The following NLRC3 variants were observed in gnomAD, a reference collection of about 807,000 sequenced individuals.
NLRC3 encodes the protein NLR family CARD domain containing 3, also known as NLR family CARD domain-containing protein 3.
Under a neutral mutation model 91.6 loss-of-function variants are expected in NLRC3, and 87 were observed. The ratio of observed to expected loss-of-function variants is 0.95; its 90% CI spans 0.80 to 1.14. The LOEUF (loss-of-function observed/expected upper bound fraction) is 1.14, where lower values mean the gene tolerates loss of function less well. NLRC3 is among the 50% of genes most tolerant of loss of function. The pLI is 0.00. For missense variants in NLRC3, 1,577 were observed against 1,418.6 expected, an observed-to-expected ratio of 1.11 and a Z score of -1.79; for synonymous variants, 694 against 625.3, an observed-to-expected ratio of 1.11 and a Z score of -1.64.
intron 6 of NLRC3, among the ~76,000 whole-genome samples, chr16:3,559,338 T>G (rs2039497487): frequency 6.6e-6 from 1 of 152,192 alleles, no homozygotes; most frequent in Non-Finnish European, 1.5e-5. Context: ...GAAGAGATTT[T>G]TGGCTTCATT....
intron 17 of NLRC3, chr16:3,543,154 G>T (rs1040072870): frequency 2.0e-6 from 1 of 501,410 alleles, no homozygotes; most frequent in African/African-American, 1.9e-5. Flanking sequence ...CTTTGGATCT[G>T]CCCAGAGAAC....
intron 2 of NLRC3, among the ~76,000 whole-genome samples, chr16:3,566,101 CAAAAAAAAAAA>C (rs1027448717): frequency 5.6e-4 from 12 of 21,316 alleles, no homozygotes; most frequent in Admixed American, 2.4e-3. Flanking sequence ...GAGCAAAAAG[CAAAAAAAAAAA>C]AAAAAAAAAA....
chr16:3,564,496 G>T lies in NLRC3; in HGVS notation c.441C>A (p.Ala147=), dbSNP rs566895156. The change falls in exon 5 of 20, where the codon GCC becomes GCA. Residue 147 remains alanine, a synonymous_variant. Coordinates refer to ENST00000359128, the MANE Select transcript of NLRC3 (RefSeq NM_178844.4). The surrounding 1 kb of genome is among the most constrained non-coding windows in gnomAD (Gnocchi z 5.9). ...TCACCAGGGTGGTCTTGCCCATGCC[G>T]GCCACCCCGATAGTGATGGAGACCC... ...PPRVSITIGV[A]GMGKTTLVRH... 1.9e-6 allele frequency: 3 copies of T among 1,612,452 alleles called. No homozygotes were observed. The highest frequency in any genetic ancestry group is 4.5e-5 in the East Asian group (2 of 44,870).
chr16:3,543,704 A>C, intron 16 of NLRC3, 196 bp from the exon 17 acceptor site: 1 of 583,394 alleles, frequency 1.7e-6, no homozygotes, highest in East Asian at 2.9e-5. Context: ...CTGGATGCTA[A>C]GGAGATGAGA....
intron 2 of NLRC3, among the ~76,000 whole-genome samples, chr16:3,566,796 C>T (rs1032006574): frequency 6.6e-6 from 1 of 151,800 alleles, no homozygotes; most frequent in African/African-American, 2.4e-5. Context: ...GAGGCTGAGG[C>T]AGGACAATCA....
Position 3,561,879 on chromosome 16 carries a change from A to G in NLRC3, c.1929-91T>C, listed in dbSNP as rs2039631384. 5 of 843,342 alleles carry G rather than the reference A, an allele frequency of 5.9e-6. No homozygotes were observed. The East Asian group carries it at 1.2e-4, about 21-fold the overall frequency. 52.2% of individuals were successfully genotyped at this position (843,342 alleles called of 1,614,324 possible). On this transcript the variant is annotated intron_variant, in intron 5 of 19. Transcript: ENST00000359128. ...CGGGGCCTCTGCCTCTCTCCATCCC[A>G]TGCAGCGCTATCACCGCAGCTCTGA...
At chr16:3,549,406 G>C (rs140918282) in intron 12 of NLRC3, among the ~76,000 whole-genome samples, 181 bp from the exon 13 acceptor site, 1 of 152,144 alleles carries the variant, frequency 6.6e-6, no homozygotes, top group Non-Finnish European at 1.5e-5. Flanking sequence ...GGGCCAGCCA[G>C]GTGCCCCCAC....
chr16:3,565,263 G>C (rs1452069097), intron 3 of NLRC3, 56 bp downstream of exon 3: 8 of 691,486 alleles, frequency 1.2e-5, no homozygotes, highest in East Asian at 8.2e-5. Flanking sequence ...ACGAATGCAG[G>C]GGCCCAGTGG....
intron 5 of NLRC3, 88 bp downstream of exon 5, chr16:3,562,921 G>T: frequency 8.2e-7 from 1 of 1,214,022 alleles, no homozygotes; most frequent in Non-Finnish European, 1.2e-6. Context: ...CTAGGAGACT[G>T]ACAGAGAAGC....
chr16:3,547,172 A>C (rs1453105418), intron 15 of NLRC3, among the ~76,000 whole-genome samples: 1 of 152,190 alleles, frequency 6.6e-6, no homozygotes, highest in Non-Finnish European at 1.5e-5. Flanking sequence ...GAATGGAGAA[A>C]TGAAACCTGT....
At position 3,577,160 on chromosome 16, in the gene NLRC3, C is replaced by G; in HGVS notation, c.-180G>C. On this transcript the variant is annotated 5_prime_UTR_variant, in exon 1 of 20. Transcript: ENST00000359128. ...TGGACCCAACTTACCTCCCGGGCCT[C>G]GATGCTGCTCCAGGGACAGCAAGAC... is the stretch of plus-strand genomic sequence containing the variant. The G allele has an allele frequency of 1.4e-6, 1 of 703,054 alleles. No homozygotes were observed. Among genetic ancestry groups the G allele is most frequent in the Non-Finnish European group, 2.6e-6 (1 of 385,002 alleles). 43.6% of individuals were successfully genotyped at this position (703,054 alleles called of 1,614,324 possible).
intron 6 of NLRC3, among the ~76,000 whole-genome samples, chr16:3,559,106 C>T (rs2039488370): frequency 6.6e-6 from 1 of 152,148 alleles, no homozygotes; most frequent in African/African-American, 2.4e-5. Context: ...GCAAACTGTT[C>T]ACTGGAATAA....
At position 3,563,378 on chromosome 16, in the gene NLRC3, A is replaced by C. The variant is rs373585899; in HGVS notation, c.1559T>G (p.Leu520Arg). 7 of 1,583,682 alleles carry C rather than the reference A, an allele frequency of 4.4e-6. No individual in the cohort carries two copies. The African/African-American group carries it at 9.4e-5, about 21-fold the overall frequency. The change falls in exon 5 of 20, where the codon CTC becomes CGC. Residue 520 changes from leucine to arginine, a missense_variant. Leu to Arg is a moderately radical substitution (Grantham distance 102, BLOSUM62 -2). Transcript: ENST00000359128. ...LDVFLRFLSGLLSPRVNALLA... is the reference protein window; with the variant it reads ...LDVFLRFLSGRLSPRVNALLA... ...GAGGGCATTGACCCTCGGAGACAAG[A>C]GGCCGGAGAGGAAGCGCAGGAACAC...
In NLRC3 at chr16:3,552,191, C is replaced by G. The variant is rs1237284293; in HGVS notation, c.2351+5G>C. On this transcript the variant is annotated splice_donor_5th_base_variant and intron_variant, in intron 10 of 19. Transcript: ENST00000359128. Reference sequence around the variant, plus strand: ...ATACTAGTGTGGGCCTTTCATATGTCTCACATGAGCTCTTTCAGACTCCTG... The same window carrying G: ...ATACTAGTGTGGGCCTTTCATATGTGTCACATGAGCTCTTTCAGACTCCTG... 2 of 1,577,390 alleles carry G rather than the reference C, an allele frequency of 1.3e-6. No homozygotes were observed. The highest frequency in any genetic ancestry group is 1.7e-6 in the Non-Finnish European group (2 of 1,146,410).
intron 15 of NLRC3, 195 bp from the exon 16 acceptor site, chr16:3,544,524 G>A (rs1303398407): frequency 8.6e-6 from 5 of 579,182 alleles, no homozygotes; most frequent in Non-Finnish European, 1.6e-5. Context: ...GAGGCGTCTG[G>A]GGCCTGCATG....
chr16:3,557,100 G>T, intron 7 of NLRC3, 106 bp from the exon 8 acceptor site: 2 of 761,990 alleles, frequency 2.6e-6, no homozygotes, highest in Non-Finnish European at 4.5e-6. Context: ...AAGGGAATGT[G>T]TAAGGGCTTA....
At chr16:3,560,688 GACTGGAGTGCAGTGGC>G (rs1223365419) in intron 6 of NLRC3, among the ~76,000 whole-genome samples, 1 of 152,092 alleles carries the variant, frequency 6.6e-6, no homozygotes, top group Non-Finnish European at 1.5e-5. Context: ...CTGTCACCCA[GACTGGAGTGCAGTGGC>G]GCTGGAGTGC....
At position 3,564,048 on chromosome 16, in the gene NLRC3, A is replaced by T; in HGVS notation, c.889T>A (p.Cys297Ser). ...RGFNEEEIKV[C>S]LEQMFPEDQA... ...TCCTCGGGGAACATCTGCTCCAAACACACCTTGATCTCCTCCTCGTTAAAG... is the reference window on the plus strand; with the variant it reads ...TCCTCGGGGAACATCTGCTCCAAACTCACCTTGATCTCCTCCTCGTTAAAG... The change falls in exon 5 of 20, where the codon TGT becomes AGT. Residue 297 changes from cysteine to serine, a missense_variant. Physicochemically the swap from Cys to Ser is moderately radical, Grantham distance 112 (BLOSUM62 -1). Coordinates refer to ENST00000359128, the MANE Select transcript of NLRC3 (RefSeq NM_178844.4). This position sits in a 1 kb window ranked among gnomAD's most constrained non-coding sequence, Gnocchi z 5.9. 6.2e-7 allele frequency: 1 copy of T among 1,612,424 alleles called. No individual in the cohort carries two copies. Among genetic ancestry groups the T allele is most frequent in the Non-Finnish European group, 8.5e-7 (1 of 1,179,860 alleles).
At chr16:3,547,591 T>C (rs944911576) in intron 15 of NLRC3, among the ~76,000 whole-genome samples, 1 of 152,200 alleles carries the variant, frequency 6.6e-6, no homozygotes, top group Non-Finnish European at 1.5e-5. Context: ...TATGTGTATG[T>C]ACATATATGT....
Sources: gnomAD v4.1 joint callset for allele counts (sites outside exome capture counted in the v4.1 genomes callset) on GRCh38, gnomAD v4.1.1 for gene constraint, Gnocchi (gnomAD v3.1) non-coding constraint, MANE v1.5 for transcripts, NCBI Gene and HGNC (gene_info 2026-07-23, HGNC 2026-07-21) for gene names.